Variants in MED12L observed in about 807,000 individuals in gnomAD.
MED12L encodes the protein mediator complex subunit 12L.
A neutral mutation model predicts 281.3 loss-of-function variants in MED12L; 60 were observed. The observed-to-expected ratio is 0.21, with a 90% CI of 0.17 to 0.26. The LOEUF (loss-of-function observed/expected upper bound fraction) is 0.26. Among genes scored for constraint, MED12L ranks in the 10% least tolerant of loss-of-function variants. The pLI is 1.00. For missense variants in MED12L, 2,146 were observed against 2,680.9 expected (o/e 0.80, Z 4.41); for synonymous variants, 974 against 987.2 (o/e 0.99, Z 0.25).
intron 16 of MED12L, among the ~76,000 whole-genome samples, chr3:151,241,333 G>C (rs1300920156): frequency 1.3e-5 from 2 of 152,186 alleles, no homozygotes; most frequent in East Asian, 3.8e-4. Flanking sequence ...ATATCAAAGA[G>C]TATGGCAAAA....
At chr3:151,399,768 C>G (rs1219698879) in intron 39 of MED12L, among the ~76,000 whole-genome samples, 1 of 152,240 alleles carries the variant, frequency 6.6e-6, no homozygotes, top group East Asian at 1.9e-4. Flanking sequence ...CACCATCCCC[C>G]TCACTCTATC....
chr3:151,244,771 G>A (rs1312480711), intron 16 of MED12L, among the ~76,000 whole-genome samples: 3 of 152,058 alleles, frequency 2.0e-5, no homozygotes, highest in African/African-American at 4.8e-5. Flanking sequence ...TAAAATCGGA[G>A]CAGAACTCAA....
intron 16 of MED12L, among the ~76,000 whole-genome samples, chr3:151,244,568 G>A (rs563793987): frequency 4.6e-5 from 7 of 151,158 alleles, no homozygotes; most frequent in African/African-American, 1.5e-4. Context: ...TTTGAAACCA[G>A]TGAGAACAAA....
chr3:151,377,116 A>G lies in MED12L; in HGVS notation c.4254A>G (p.Pro1418=). 1 of 1,614,082 alleles carries G rather than the reference A, an allele frequency of 6.2e-7. No individual in the cohort carries two copies. The highest frequency in any genetic ancestry group is 1.1e-5 in the South Asian group (1 of 91,088). ...ATTCTGGCATGAGCCTCTTCAACCC[A>G]AACAGTATTGGAAGTGCTGATACAA... ...SSNSGMSLFN[P]NSIGSADTSS... Residue 1418 remains proline, a synonymous_variant, in exon 30 of 45, where the codon CCA becomes CCG. Transcript: ENST00000687756.
At chr3:151,358,915 T>G (rs1477513475) in intron 20 of MED12L, among the ~76,000 whole-genome samples, 2 of 152,200 alleles carry the variant, frequency 1.3e-5, no homozygotes, top group Non-Finnish European at 2.9e-5. Context: ...ATTTTTCGCT[T>G]TATAGATAAT....
chr3:151,387,985 C>T lies in MED12L; in HGVS notation c.5264C>T (p.Pro1755Leu). Reference sequence around the variant, plus strand: ...TATCACACACACCCCATGCCCAAGCCCCGCAGTTACTACCTCCAGCCACTG... The same window carrying T: ...TATCACACACACCCCATGCCCAAGCTCCGCAGTTACTACCTCCAGCCACTG... ...LLYHTHPMPKPRSYYLQPLPL... is the reference protein window; with the variant it reads ...LLYHTHPMPKLRSYYLQPLPL... The change falls in exon 37 of 45, where the codon CCC becomes CTC. Residue 1755 changes from proline (P) to leucine (L), a missense_variant. Physicochemically the swap from Pro to Leu is moderately conservative, Grantham distance 98. Transcript: ENST00000687756. 1 of 1,614,008 alleles carries T rather than the reference C, an allele frequency of 6.2e-7. No individual in the cohort carries two copies. The highest frequency in any genetic ancestry group is 8.5e-7 in the Non-Finnish European group (1 of 1,179,990).
chr3:151,417,487 C>CCCCCT (rs1717736742), intron 43 of MED12L, among the ~76,000 whole-genome samples: 26 of 78,804 alleles, frequency 3.3e-4, no homozygotes, highest in Non-Finnish European at 3.9e-4. Context: ...CCCCCCCCGC[C>CCCCCT]TTTTTTTTTT....
intron 2 of MED12L, among the ~76,000 whole-genome samples, chr3:151,114,772 T>C (rs1314897641): frequency 1.3e-5 from 2 of 152,104 alleles, no homozygotes; most frequent in African/African-American, 4.8e-5. Context: ...TTTTTTTCTT[T>C]TTTAAAGCCT....
At chr3:151,291,644 A>G (rs1409863610) in intron 16 of MED12L, among the ~76,000 whole-genome samples, 1 of 152,230 alleles carries the variant, frequency 6.6e-6, no homozygotes, top group Non-Finnish European at 1.5e-5. Flanking sequence ...CCCAAAAGCC[A>G]GTTTTGAAAA....
At chr3:151,418,934 C>T (rs955526990) in intron 43 of MED12L, among the ~76,000 whole-genome samples, 3 of 152,084 alleles carry the variant, frequency 2.0e-5, no homozygotes, top group African/African-American at 7.2e-5. Flanking sequence ...TACAAGCTTT[C>T]AATGTGTAAT....
intron 16 of MED12L, among the ~76,000 whole-genome samples, chr3:151,281,796 C>T (rs1409858384): frequency 6.6e-6 from 1 of 152,132 alleles, no homozygotes; most frequent in African/African-American, 2.4e-5. Flanking sequence ...CATTTAGAGA[C>T]AGGACTCTGC....
At chr3:151,315,693 C>CT (rs1044347130) in intron 16 of MED12L, among the ~76,000 whole-genome samples, 10 of 152,086 alleles carry the variant, frequency 6.6e-5, no homozygotes, top group South Asian at 2.1e-4. Flanking sequence ...GGGTGTCTGG[C>CT]TTTTTTCCCC....
intron 5 of MED12L, among the ~76,000 whole-genome samples, chr3:151,140,091 G>A (rs10935828): frequency 0.3 from 45,652 of 152,110 alleles, 8,742 homozygotes; most frequent in African/African-American, 0.54. Flanking sequence ...TAGATAAATT[G>A]CAAGAGCTTA....
At chr3:151,219,949 A>C (rs1180764828) in intron 16 of MED12L, among the ~76,000 whole-genome samples, 2 of 142,392 alleles carry the variant, frequency 1.4e-5, no homozygotes, top group Admixed American at 1.4e-4. Flanking sequence ...GACTGAATAT[A>C]ACAATTCATC....
chr3:151,165,396 TA>T, intron 9 of MED12L, 23 bp from the exon 10 acceptor site: 1 of 1,595,384 alleles, frequency 6.3e-7, no homozygotes, highest in Non-Finnish European at 8.6e-7. Flanking sequence ...AAGCACAAGT[TA>T]ATTAGAAGCG....
At chr3:151,413,380 A>G in intron 42 of MED12L, 85 bp downstream of exon 42, 1 of 1,459,310 alleles carries the variant, frequency 6.9e-7, no homozygotes, top group African/African-American at 1.4e-5. Flanking sequence ...AAAACACTAT[A>G]GTTGTCAATT....
chr3:151,128,027 T>C, intron 5 of MED12L, 43 bp downstream of exon 5: 1 of 1,559,300 alleles, frequency 6.4e-7, no homozygotes, highest in Non-Finnish European at 8.8e-7. Context: ...CATTATTGAT[T>C]TTGCAAGTAA....
chr3:151,117,248 T>A (rs1165028690), intron 3 of MED12L, among the ~76,000 whole-genome samples: 2 of 152,214 alleles, frequency 1.3e-5, no homozygotes, highest in Non-Finnish European at 2.9e-5. Flanking sequence ...AATTGTTTCA[T>A]GTTCTGCCAG....
At chr3:151,190,683 C>G (rs1723857654) in intron 13 of MED12L, 34 bp from the exon 14 acceptor site, 1 of 1,597,322 alleles carries the variant, frequency 6.3e-7, no homozygotes, top group Non-Finnish European at 8.6e-7. Context: ...ACCACCTGCT[C>G]AAGGAATTCT....
Sources: gnomAD v4.1 joint callset for allele counts (sites outside exome capture counted in the v4.1 genomes callset) on GRCh38, gnomAD v4.1.1 for gene constraint, MANE v1.5 for transcripts, NCBI Gene and HGNC (gene_info 2026-07-23, HGNC 2026-07-21) for gene names.